The following CEP164 variants were observed in gnomAD, a reference collection of about 807,000 sequenced individuals.
The protein encoded by CEP164 is centrosomal protein 164, also known as centrosomal protein of 164 kDa.
In CEP164, 162 loss-of-function variants were observed where a neutral mutation model predicts 182.7. The ratio of observed to expected loss-of-function variants is 0.89; its 90% CI spans 0.78 to 1.01. CEP164 has a LOEUF of 1.01. Among genes scored for constraint, CEP164 ranks in the 50% least tolerant of loss-of-function variants. The probability of loss-of-function intolerance (pLI) is 0.00; values close to 1 mark genes in which losing one functional copy is unlikely to be tolerated. For synonymous variants in CEP164, 661 were observed against 690.0 expected, an observed-to-expected ratio of 0.96 and a Z score of 0.66; for missense variants, 1,735 against 1,790.4, an observed-to-expected ratio of 0.97 and a Z score of 0.56.
intron 27 of CEP164, among the ~76,000 whole-genome samples, chr11:117,406,637 A>C (rs541584680): frequency 4.6e-5 from 7 of 152,316 alleles, no homozygotes; most frequent in East Asian, 1.9e-4. Flanking sequence ...TTTTGAACAC[A>C]CTTAGCAAAA....
In CEP164 at chr11:117,409,992, C is replaced by T. The variant is rs745562876; in HGVS notation, c.4096+27C>T. 4.4e-6 allele frequency: 7 copies of T among 1,592,106 alleles called. No individual in the cohort carries two copies. The highest frequency in any genetic ancestry group is 3.3e-5 in the South Asian group (3 of 90,512). On this transcript the variant is annotated intron_variant, in intron 30 of 32. Transcript: ENST00000278935. This position sits in a 1 kb window ranked among gnomAD's most constrained non-coding sequence, Gnocchi z 4.4. ...TAAGCCCCACTCTGGGCGGAGCCTT[C>T]CCACCTGCCTCCTCCTCCTCCTCTT...
At chr11:117,371,766 C>T (rs2042214961) in intron 9 of CEP164, among the ~76,000 whole-genome samples, 1 of 151,294 alleles carries the variant, frequency 6.6e-6, no homozygotes, top group South Asian at 2.1e-4. Context: ...CTGCTTACAT[C>T]CTCTCCTGCT....
chr11:117,381,980 G>C, intron 13 of CEP164, 112 bp downstream of exon 13: 1 of 932,508 alleles, frequency 1.1e-6, no homozygotes, highest in Non-Finnish European at 1.5e-6. Context: ...GCTTGGGGAG[G>C]GAGTGGGGAG....
At chr11:117,333,202 C>G (rs74784819) in intron 1 of CEP164, among the ~76,000 whole-genome samples, 2 of 151,702 alleles carry the variant, frequency 1.3e-5, no homozygotes, top group Admixed American at 6.6e-5. Context: ...TTTGTAGAGA[C>G]GGTCTCACTA....
rs1299536318 is a variant in CEP164, at chr11:117,387,381, CG to C, written c.1905del (p.Leu636PhefsTer12). ...LCQEEEEEIL[R>X]LHQQKEQSLS... ...CCAAGAGGAGGAAGAGGAGATCCTCCGGCTTCACCAGCAGAAAGAGCAATCT... is the reference window on the plus strand; with the variant it reads ...CCAAGAGGAGGAAGAGGAGATCCTCCGCTTCACCAGCAGAAAGAGCAATCT... On this transcript the variant is annotated frameshift_variant, in exon 15 of 33. Transcript: ENST00000278935. LOFTEE classifies it high-confidence loss of function. 1 of 1,614,004 alleles carries C rather than the reference CG, an allele frequency of 6.2e-7. No individual in the cohort carries two copies. Among genetic ancestry groups the C allele is most frequent in the Non-Finnish European group, 8.5e-7 (1 of 1,180,036 alleles).
At chr11:117,355,925 A>T in intron 5 of CEP164, 1 of 1,057,840 alleles carries the variant, frequency 9.5e-7, no homozygotes. Flanking sequence ...TGCCAGTGAG[A>T]AGAGACAGGC....
At chr11:117,335,538 G>A (rs1473972466) in intron 1 of CEP164, 67 bp from the exon 2 acceptor site, 1 of 150,878 alleles carries the variant, frequency 6.6e-6, no homozygotes, top group Non-Finnish European at 1.5e-5. Context: ...TAGGTTCAGA[G>A]TCTCCAGATC....
chr11:117,363,379 GGTTGACCA>G, intron 7 of CEP164, 42 bp from the exon 8 acceptor site: 1 of 1,401,448 alleles, frequency 7.1e-7, no homozygotes, highest in South Asian at 1.2e-5. Flanking sequence ...CCTCACCCTG[GGTTGACCA>G]GTTTCTTCAG....
intron 8 of CEP164, among the ~76,000 whole-genome samples, chr11:117,366,116 C>T (rs1333092259): frequency 6.6e-6 from 1 of 151,840 alleles, no homozygotes; most frequent in African/African-American, 2.4e-5. Flanking sequence ...TAACTTAAGG[C>T]AGGAATCAGG....
At chr11:117,332,169 G>GAC (rs1290208289) in intron 1 of CEP164, among the ~76,000 whole-genome samples, 1 of 151,996 alleles carries the variant, frequency 6.6e-6, no homozygotes, top group Non-Finnish European at 1.5e-5. Flanking sequence ...ACTGAGCTCC[G>GAC]ACAGCTTACA....
chr11:117,343,556 T>C (rs1404880475), intron 3 of CEP164, among the ~76,000 whole-genome samples: 3 of 152,174 alleles, frequency 2.0e-5, no homozygotes, highest in Non-Finnish European at 2.9e-5. Context: ...TGGATGGTTC[T>C]GCCTATGGTT....
chr11:117,337,449 G>A (rs570490108), intron 2 of CEP164, among the ~76,000 whole-genome samples: 3 of 149,304 alleles, frequency 2.0e-5, no homozygotes, highest in African/African-American at 2.5e-5. Flanking sequence ...TGAGGCGGGA[G>A]CATTGCTTGC....
At chr11:117,401,825 C>A (rs2046173880) in intron 27 of CEP164, among the ~76,000 whole-genome samples, 2 of 152,046 alleles carry the variant, frequency 1.3e-5, no homozygotes, top group East Asian at 1.9e-4. Context: ...TGGTAATATT[C>A]CATTTATTAT....
chr11:117,382,556 G>C (rs113430039), intron 13 of CEP164, among the ~76,000 whole-genome samples: 1 of 152,132 alleles, frequency 6.6e-6, no homozygotes, highest in Non-Finnish European at 1.5e-5. Flanking sequence ...TGCTGTGTAC[G>C]GAGCTCCTGG....
At chr11:117,361,237 T>G (rs1359654210) in intron 5 of CEP164, among the ~76,000 whole-genome samples, 1 of 126,820 alleles carries the variant, frequency 7.9e-6, no homozygotes, top group Admixed American at 7.6e-5. Flanking sequence ...GCCTGGCTTT[T>G]TTTTTTTTTT....
At chr11:117,361,566 A>G (rs577934493) in intron 5 of CEP164, among the ~76,000 whole-genome samples, 142 of 152,108 alleles carry the variant, frequency 9.3e-4, no homozygotes, top group African/African-American at 3.3e-3. Flanking sequence ...AAAGGAGAGC[A>G]GAACCCCACG....
At chr11:117,341,138 G>A (rs1337925613) in intron 3 of CEP164, among the ~76,000 whole-genome samples, 1 of 152,106 alleles carries the variant, frequency 6.6e-6, no homozygotes, top group Non-Finnish European at 1.5e-5. Context: ...TGAATGGCCT[G>A]TTTCTTAAAT....
chr11:117,408,035 G>T lies in CEP164; in HGVS notation c.3609+3G>T. On this transcript the variant is annotated splice_donor_region_variant and intron_variant, in intron 28 of 32. Coordinates refer to ENST00000278935, the MANE Select transcript of CEP164 (RefSeq NM_014956.5). ...TGGAGTCCTCTCTTTGGGAAGAGGT[G>T]CAGCCCCATGTCCACATAGTCCAGT... 1 of 1,571,218 alleles carries T rather than the reference G, an allele frequency of 6.4e-7. No individual in the cohort carries two copies. The highest frequency in any genetic ancestry group is 8.7e-7 in the Non-Finnish European group (1 of 1,155,450).
Position 117,397,168 on chromosome 11 carries a change from A to C in CEP164, c.3356A>C (p.Gln1119Pro), listed in dbSNP as rs573455. ...CGTAGTGCCAAGGAGTTCCTTGTGC[A>C]GCAGACACGCTCCATGCGGAGGCGG... ...ALRSAKEFLV[Q>P]QTRSMRRRQT... is the part of the protein sequence containing the mutation. The change falls in exon 27 of 33, where the codon CAG becomes CCG. Residue 1119 changes from glutamine (Q) to proline (P), a missense_variant. By Grantham distance (76) the Gln-to-Pro change is moderately conservative. Transcript: ENST00000278935. 1 of 1,613,942 alleles carries C rather than the reference A, an allele frequency of 6.2e-7. No individual in the cohort carries two copies. The highest frequency in any genetic ancestry group is 8.5e-7 in the Non-Finnish European group (1 of 1,180,000).
Sources: gnomAD v4.1 joint callset for allele counts (sites outside exome capture counted in the v4.1 genomes callset) on GRCh38, gnomAD v4.1.1 for gene constraint, Gnocchi (gnomAD v3.1) non-coding constraint, MANE v1.5 for transcripts, NCBI Gene and HGNC (gene_info 2026-07-23, HGNC 2026-07-21) for gene names.